The following SH3GL3 variants were observed in gnomAD, a reference collection of about 807,000 sequenced individuals.
SH3GL3 encodes endophilin-A3.
In SH3GL3, 33 loss-of-function variants were observed where a neutral mutation model predicts 47.7. That is an observed-to-expected ratio of 0.69 (90% CI 0.52 to 0.92). The LOEUF (loss-of-function observed/expected upper bound fraction) is 0.92, where lower values mean the gene tolerates loss of function less well. SH3GL3 is among the 40% of genes least tolerant of loss of function. The pLI, the probability that SH3GL3 is intolerant of heterozygous loss-of-function variation, is 0.00. For synonymous variants in SH3GL3, 155 were observed against 148.8 expected (o/e 1.04, Z -0.30); for missense variants, 363 against 417.8 (o/e 0.87, Z 1.14).
At chr15:83,630,107 C>A in the SH3GL3 span, among the ~76,000 whole-genome samples, 2 of 152,164 alleles carry the variant, frequency 1.3e-5, no homozygotes, top group African/African-American at 2.4e-5. Flanking sequence ...TCTGGCCTGC[C>A]ACCATGTAAG....
At chr15:83,633,461 A>G in the SH3GL3 span, among the ~76,000 whole-genome samples, 2 of 152,210 alleles carry the variant, frequency 1.3e-5, no homozygotes, top group Admixed American at 6.5e-5. Flanking sequence ...ATGTGCTTAG[A>G]AGCTCCAGAG....
chr15:83,482,648 C>T (rs913528897), intron 1 of SH3GL3, among the ~76,000 whole-genome samples: 1 of 152,008 alleles, frequency 6.6e-6, no homozygotes, highest in Non-Finnish European at 1.5e-5. Flanking sequence ...CGCGCACCAC[C>T]ACACCCGGCT....
the SH3GL3 span, among the ~76,000 whole-genome samples, chr15:83,631,462 C>T: frequency 6.6e-5 from 10 of 152,248 alleles, no homozygotes; most frequent in Admixed American, 6.5e-4. Flanking sequence ...ATCCCTGCAG[C>T]ATACTTCTGC....
At chr15:83,630,598 AG>A in the SH3GL3 span, among the ~76,000 whole-genome samples, 1 of 152,098 alleles carries the variant, frequency 6.6e-6, no homozygotes, top group Non-Finnish European at 1.5e-5. Flanking sequence ...ACATGGCTGC[AG>A]GAAGAACTAT....
chr15:83,558,926 T>G (rs1189128008), intron 1 of SH3GL3, among the ~76,000 whole-genome samples: 4 of 152,240 alleles, frequency 2.6e-5, no homozygotes, highest in Non-Finnish European at 1.5e-5. Context: ...TTTTCTTGTT[T>G]TTTAATTGAA....
intron 1 of SH3GL3, among the ~76,000 whole-genome samples, chr15:83,544,602 T>A (rs2044317083): frequency 6.6e-6 from 1 of 152,168 alleles, no homozygotes; most frequent in Non-Finnish European, 1.5e-5. Flanking sequence ...TTTTGTTCCT[T>A]CAGATAATTT....
chr15:83,511,341 A>G (rs987086355), intron 1 of SH3GL3, among the ~76,000 whole-genome samples: 1 of 152,180 alleles, frequency 6.6e-6, no homozygotes, highest in African/African-American at 2.4e-5. Context: ...CTCCAGCTCC[A>G]GATGTAAACT....
intron 8 of SH3GL3, among the ~76,000 whole-genome samples, chr15:83,589,647 G>C (rs557609263): frequency 3.3e-5 from 5 of 152,320 alleles, no homozygotes; most frequent in African/African-American, 1.2e-4. Flanking sequence ...GAAGTGCTGG[G>C]ATTATAGGCA....
intron 1 of SH3GL3, among the ~76,000 whole-genome samples, chr15:83,513,386 A>G (rs1040012596): frequency 6.6e-6 from 1 of 152,188 alleles, no homozygotes; most frequent in African/African-American, 2.4e-5. Context: ...CCTCCTTTTC[A>G]GGCCCCAACT....
chr15:83,550,907 A>G (rs1428903636), intron 1 of SH3GL3, among the ~76,000 whole-genome samples: 3 of 152,142 alleles, frequency 2.0e-5, no homozygotes, highest in African/African-American at 7.2e-5. Flanking sequence ...CTAAAATCCT[A>G]AGTTACAAAT....
intron 8 of SH3GL3, among the ~76,000 whole-genome samples, chr15:83,609,884 A>C (rs2060618557): frequency 6.6e-6 from 1 of 152,182 alleles, no homozygotes; most frequent in African/African-American, 2.4e-5. Flanking sequence ...TGAGAAGGCC[A>C]GGCTGCAGAC....
chr15:83,495,901 TTG>T (rs1438991914), intron 1 of SH3GL3, among the ~76,000 whole-genome samples: 1 of 151,750 alleles, frequency 6.6e-6, no homozygotes, highest in Non-Finnish European at 1.5e-5. Context: ...GTGTGTGTGT[TTG>T]TGTGTGTGTA....
intron 1 of SH3GL3, among the ~76,000 whole-genome samples, chr15:83,537,447 T>C (rs1383103665): frequency 6.6e-6 from 1 of 152,196 alleles, no homozygotes; most frequent in African/African-American, 2.4e-5. Flanking sequence ...GCAGATACTG[T>C]TATAATCCAC....
At chr15:83,623,113 G>T (rs925563619), downstream of SH3GL3, among the ~76,000 whole-genome samples, 3 of 152,152 alleles carry the variant, frequency 2.0e-5, no homozygotes, top group African/African-American at 7.2e-5. Flanking sequence ...CTCAATATAG[G>T]TTTCAAGTGT....
intron 1 of SH3GL3, among the ~76,000 whole-genome samples, chr15:83,495,386 T>G (rs1454062195): frequency 6.6e-6 from 1 of 152,126 alleles, no homozygotes; most frequent in Non-Finnish European, 1.5e-5. Context: ...GAACTGGCTT[T>G]GAGAAAGGGA....
intron 1 of SH3GL3, among the ~76,000 whole-genome samples, chr15:83,493,250 C>T (rs1053183763): frequency 6.6e-6 from 1 of 151,996 alleles, no homozygotes; most frequent in Non-Finnish European, 1.5e-5. Flanking sequence ...GGTGGAGGGG[C>T]ACCAGGGAGG....
intron 8 of SH3GL3, among the ~76,000 whole-genome samples, chr15:83,599,570 A>G (rs1411986827): frequency 6.6e-6 from 1 of 152,190 alleles, no homozygotes; most frequent in African/African-American, 2.4e-5. Context: ...ACATATATAT[A>G]CCACAGTTTT....
intron 2 of SH3GL3, among the ~76,000 whole-genome samples, chr15:83,564,789 G>A (rs2045458651): frequency 1.3e-5 from 2 of 152,142 alleles, no homozygotes. Flanking sequence ...GATAAGGAGA[G>A]TTTGGTTCAT....
intron 8 of SH3GL3, among the ~76,000 whole-genome samples, chr15:83,613,523 A>C (rs1270505808): frequency 6.6e-6 from 1 of 152,160 alleles, no homozygotes; most frequent in African/African-American, 2.4e-5. Flanking sequence ...TGGTTTACAC[A>C]TGGAGGTGGT....
Sources: allele counts gnomAD v4.1 joint callset (sites outside exome capture counted in the v4.1 genomes callset), GRCh38; gene constraint gnomAD v4.1.1; transcripts MANE v1.5; gene names NCBI Gene and HGNC (gene_info 2026-07-23, HGNC 2026-07-21).